MAGI2: variants seen among roughly 807,000 people sequenced by gnomAD.
MAGI2 encodes membrane-associated guanylate kinase, WW and PDZ domain-containing protein 2.
In MAGI2, 35 loss-of-function variants were observed where a neutral mutation model predicts 133.3. The ratio of observed to expected loss-of-function variants is 0.26; its 90% CI spans 0.20 to 0.35. MAGI2 has a LOEUF of 0.35. Among genes scored for constraint, MAGI2 ranks in the 10% least tolerant of loss-of-function variants. The pLI, the probability that MAGI2 is intolerant of heterozygous loss-of-function variation, is 1.00. For synonymous variants in MAGI2, 729 were observed against 710.6 expected (o/e 1.03, Z -0.41); for missense variants, 1,636 against 1,863.4 (o/e 0.88, Z 2.25).
At chr7:78,438,631 T>G (rs902784236) in intron 6 of MAGI2, among the ~76,000 whole-genome samples, 2 of 152,198 alleles carry the variant, frequency 1.3e-5, no homozygotes, top group African/African-American at 4.8e-5. Context: ...GATTCTGTAC[T>G]CACTCCAAAC....
intron 1 of MAGI2, among the ~76,000 whole-genome samples, chr7:79,450,393 AG>A (rs1849161135): frequency 6.6e-6 from 1 of 152,180 alleles, no homozygotes. Flanking sequence ...GACGAGGAAA[AG>A]AATTATTAGA....
At chr7:78,821,222 G>T (rs147827004) in intron 2 of MAGI2, among the ~76,000 whole-genome samples, 1 of 152,128 alleles carries the variant, frequency 6.6e-6, no homozygotes, top group East Asian at 1.9e-4. Context: ...ATGTTACGAA[G>T]AGTATCCATT....
intron 1 of MAGI2, among the ~76,000 whole-genome samples, chr7:79,364,535 T>G (rs1440481538): frequency 1.3e-5 from 2 of 152,028 alleles, no homozygotes; most frequent in Admixed American, 6.6e-5. Flanking sequence ...TAGTTAATAT[T>G]AAAGCTTGCT....
intron 3 of MAGI2, among the ~76,000 whole-genome samples, chr7:78,622,075 A>G (rs927237805): frequency 2.0e-5 from 3 of 152,002 alleles, no homozygotes; most frequent in Admixed American, 2.0e-4. Context: ...CAAATTAAGT[A>G]GTTTCTAATA....
intron 1 of MAGI2, among the ~76,000 whole-genome samples, chr7:79,183,434 T>C (rs1362909245): frequency 1.3e-5 from 2 of 151,902 alleles, no homozygotes; most frequent in African/African-American, 2.4e-5. Context: ...GCAAATATAT[T>C]GCCCACCTTT....
intron 1 of MAGI2, among the ~76,000 whole-genome samples, chr7:79,203,785 T>C (rs1828812411): frequency 1.3e-5 from 2 of 152,074 alleles, no homozygotes; most frequent in Non-Finnish European, 2.9e-5. Flanking sequence ...ACACAAAATA[T>C]CTCCAAGTTC....
At chr7:78,897,397 T>C (rs938469110) in intron 2 of MAGI2, among the ~76,000 whole-genome samples, 1 of 152,130 alleles carries the variant, frequency 6.6e-6, no homozygotes, top group Non-Finnish European at 1.5e-5. Context: ...TTCTGGAGCC[T>C]CCAGAATCCA....
intron 1 of MAGI2, among the ~76,000 whole-genome samples, chr7:79,024,009 A>G (rs1445279293): frequency 6.6e-6 from 1 of 152,196 alleles, no homozygotes; most frequent in Non-Finnish European, 1.5e-5. Flanking sequence ...GGAACCAAAA[A>G]GGATCTCCAA....
intron 1 of MAGI2, among the ~76,000 whole-genome samples, chr7:79,152,395 T>G (rs2129547081): frequency 6.6e-6 from 1 of 152,342 alleles, no homozygotes; most frequent in East Asian, 1.9e-4. Flanking sequence ...AAGTGAAAAC[T>G]AAATCTATGT....
chr7:78,730,682 G>A (rs1821284229), intron 2 of MAGI2, among the ~76,000 whole-genome samples: 1 of 152,002 alleles, frequency 6.6e-6, no homozygotes, highest in South Asian at 2.1e-4. Context: ...GACTTTTAAG[G>A]CAATACATTA....
At chr7:79,360,752 A>C (rs10232342) in intron 1 of MAGI2, among the ~76,000 whole-genome samples, 3,221 of 152,232 alleles carry the variant, frequency 0.021, 98 homozygotes, top group African/African-American at 0.075. Context: ...TTATATCCTT[A>C]AAATTGTTCA....
intron 2 of MAGI2, among the ~76,000 whole-genome samples, chr7:78,955,806 C>T (rs1329207286): frequency 1.5e-5 from 2 of 137,014 alleles, no homozygotes; most frequent in Admixed American, 7.5e-5. Flanking sequence ...TTCGTTCATT[C>T]TTTCTTTCTT....
chr7:78,457,756 T>C (rs1186654222), intron 6 of MAGI2, among the ~76,000 whole-genome samples: 1 of 152,186 alleles, frequency 6.6e-6, no homozygotes, highest in Admixed American at 6.5e-5. Flanking sequence ...AGACTAAAAA[T>C]ACAGCTCATG....
intron 1 of MAGI2, among the ~76,000 whole-genome samples, chr7:79,061,461 C>G (rs146706986): frequency 4.8e-4 from 73 of 151,932 alleles, no homozygotes; most frequent in African/African-American, 1.7e-3. Context: ...TACAAATCTT[C>G]TAGTGTTTAG....
chr7:79,100,735 GTTAAT>G (rs1242583658), intron 1 of MAGI2, among the ~76,000 whole-genome samples: 1 of 151,620 alleles, frequency 6.6e-6, no homozygotes, highest in East Asian at 1.9e-4. Context: ...AGCTGTTCAT[GTTAAT>G]TTAAGAATGC....
intron 2 of MAGI2, among the ~76,000 whole-genome samples, chr7:78,869,900 G>A (rs756236740): frequency 2.0e-5 from 3 of 152,152 alleles, no homozygotes; most frequent in Non-Finnish European, 2.9e-5. Context: ...TCAGTTGGCT[G>A]TAAGTATTTG....
intron 4 of MAGI2, among the ~76,000 whole-genome samples, chr7:78,520,936 G>A (rs753727911): frequency 3.3e-5 from 5 of 152,056 alleles, no homozygotes; most frequent in African/African-American, 1.2e-4. Flanking sequence ...CAGTTGTAGC[G>A]ATTTTGAAAA....
chr7:78,203,351 A>T (rs1412752636), intron 10 of MAGI2, among the ~76,000 whole-genome samples: 3 of 152,202 alleles, frequency 2.0e-5, no homozygotes. Flanking sequence ...TTTCCCTCCT[A>T]TAGAAAATGT....
intron 20 of MAGI2, among the ~76,000 whole-genome samples, chr7:78,099,877 G>A (rs1267159655): frequency 2.0e-5 from 3 of 152,164 alleles, no homozygotes; most frequent in Non-Finnish European, 4.4e-5. Flanking sequence ...ATGTGCCAAT[G>A]ATAATAGTGT....
Sources: allele counts gnomAD v4.1 joint callset (sites outside exome capture counted in the v4.1 genomes callset), GRCh38; gene constraint gnomAD v4.1.1; transcripts MANE v1.5; gene names NCBI Gene and HGNC (gene_info 2026-07-23, HGNC 2026-07-21).